Variants in C6 observed in about 807,000 individuals in gnomAD.
C6 encodes the protein complement component C6.
A neutral mutation model predicts 112.9 loss-of-function variants in C6; 101 were observed. The ratio of observed to expected loss-of-function variants is 0.89; its 90% CI spans 0.76 to 1.06. The LOEUF is 1.06. Among genes scored for constraint, C6 ranks in the 50% least tolerant of loss-of-function variants. C6 has a pLI of 0.00. For synonymous variants in C6, 431 were observed against 384.1 expected (o/e 1.12, Z -1.43); for missense variants, 1,202 against 1,104.6 (o/e 1.09, Z -1.25).
chr5:41,253,340 C>G (rs990765407), intron 1 of C6, among the ~76,000 whole-genome samples: 7 of 152,094 alleles, frequency 4.6e-5, no homozygotes, highest in Non-Finnish European at 7.3e-5. Context: ...TGATACTCAC[C>G]CAAAGGCTGG....
intron 5 of C6, chr5:41,186,469 C>A (rs993530369): frequency 6.5e-5 from 29 of 443,230 alleles, no homozygotes; most frequent in Non-Finnish European, 9.0e-5. Context: ...CAACATACAA[C>A]AAAATCTGGA....
intron 17 of C6, 132 bp downstream of exon 17, chr5:41,149,109 A>G (rs1048452830): frequency 8.5e-7 from 1 of 1,183,100 alleles, no homozygotes. Flanking sequence ...TGTTTAAATC[A>G]TTTTATGAAT....
At chr5:41,245,985 T>A (rs1277396233) in intron 1 of C6, among the ~76,000 whole-genome samples, 1 of 152,196 alleles carries the variant, frequency 6.6e-6, no homozygotes, top group Non-Finnish European at 1.5e-5. Flanking sequence ...CTGAAGAAGG[T>A]TTCCTTCCCT....
intron 7 of C6, among the ~76,000 whole-genome samples, chr5:41,177,131 G>A (rs1284145082): frequency 6.6e-6 from 1 of 152,190 alleles, no homozygotes; most frequent in Non-Finnish European, 1.5e-5. Flanking sequence ...TGGAGGTTAT[G>A]CAAGTGAGAT....
chr5:41,215,322 T>C (rs1025254345), upstream of C6, among the ~76,000 whole-genome samples: 3 of 152,180 alleles, frequency 2.0e-5, no homozygotes, highest in African/African-American at 7.2e-5. Context: ...TCTGGTCTGA[T>C]ACATACAACA....
intron 11 of C6, among the ~76,000 whole-genome samples, chr5:41,159,867 C>A (rs930829344): frequency 6.6e-6 from 1 of 152,078 alleles, no homozygotes; most frequent in Non-Finnish European, 1.5e-5. Context: ...TATAAATACG[C>A]ATATAATATA....
chr5:41,188,367 T>C, intron 5 of C6, among the ~76,000 whole-genome samples: 1 of 152,052 alleles, frequency 6.6e-6, no homozygotes, highest in East Asian at 1.9e-4. Flanking sequence ...TGATACACAA[T>C]TTACTTCAAA....
At chr5:41,171,424 T>C (rs1033738566) in intron 9 of C6, among the ~76,000 whole-genome samples, 8 of 152,166 alleles carry the variant, frequency 5.3e-5, no homozygotes, top group Admixed American at 3.9e-4. Flanking sequence ...TACTGGGCTA[T>C]AATGTAAAGG....
chr5:41,163,990 A>C (rs1238506782), intron 9 of C6, among the ~76,000 whole-genome samples: 1 of 152,104 alleles, frequency 6.6e-6, no homozygotes. Flanking sequence ...GGCCCAGATA[A>C]ATATAAAATA....
rs751006040 is a variant in C6 at position 41,154,021 on chromosome 5, A to G, written c.2102-23T>C. On this transcript the variant is annotated intron_variant, in intron 14 of 17. Transcript: ENST00000337836. ...TCCCTGCAAGAGAGCAACATTTCAT[A>G]TGTGTTTAGTGGAGCAGAATAAACA... is the stretch of plus-strand genomic sequence containing the variant. 3.7e-6 allele frequency: 6 copies of G among 1,610,096 alleles called. No homozygotes were observed. The South Asian group carries it at 5.5e-5, about 15-fold the overall frequency.
chr5:41,166,564 A>G (rs1747990767), intron 9 of C6, among the ~76,000 whole-genome samples: 1 of 151,460 alleles, frequency 6.6e-6, no homozygotes, highest in African/African-American at 2.4e-5. Context: ...ACATCTATTA[A>G]ACATTTATAA....
At chr5:41,231,204 T>A (rs930931456) in intron 1 of C6, among the ~76,000 whole-genome samples, 5 of 152,180 alleles carry the variant, frequency 3.3e-5, no homozygotes, top group African/African-American at 4.8e-5. Flanking sequence ...TTGTGTTTAA[T>A]TATTGAAAGA....
At chr5:41,196,923 T>C (rs1750664030) in intron 4 of C6, among the ~76,000 whole-genome samples, 1 of 152,100 alleles carries the variant, frequency 6.6e-6, no homozygotes, top group South Asian at 2.1e-4. Flanking sequence ...ATATCTCCTC[T>C]CCTGCCTTTT....
intron 1 of C6, among the ~76,000 whole-genome samples, chr5:41,204,659 C>CTTTTTTTTT (rs56809256): frequency 2.3e-5 from 3 of 133,330 alleles, no homozygotes; most frequent in South Asian, 2.3e-4. Context: ...AATCAGTAAG[C>CTTTTTTTTT]TTTTTTTTTT....
chr5:41,187,526 C>T lies in C6; in HGVS notation c.588-1318G>A, dbSNP rs73753119. ...TTAAAGCAGAAAATTCGACCAATTACTCAGGCGCTTCTAACCAAGGGGCAC... is the reference window on the plus strand; with the variant it reads ...TTAAAGCAGAAAATTCGACCAATTATTCAGGCGCTTCTAACCAAGGGGCAC... On this transcript the variant is annotated intron_variant, in intron 5 of 17. Transcript: ENST00000337836. Among the ~76,000 whole-genome samples, 524 of 152,256 alleles carry T rather than the reference C, an allele frequency of 3.4e-3. 1 individual carries two copies. Among genetic ancestry groups the T allele is most frequent in the African/African-American group, 0.011 (470 of 41,554 alleles).
intron 9 of C6, among the ~76,000 whole-genome samples, chr5:41,166,717 G>A (rs759842194): frequency 2.6e-5 from 4 of 152,102 alleles, no homozygotes; most frequent in African/African-American, 9.7e-5. Flanking sequence ...CAGTGAGTAC[G>A]TCTAGGAGGG....
chr5:41,238,264 T>C (rs1458097111), intron 1 of C6, among the ~76,000 whole-genome samples: 5 of 142,052 alleles, frequency 3.5e-5, no homozygotes, highest in Non-Finnish European at 7.6e-5. Context: ...AGAGCCCGCA[T>C]CGCCAAGTCA....
chr5:41,147,585 A>C (rs1185993141), intron 17 of C6, among the ~76,000 whole-genome samples: 2 of 152,204 alleles, frequency 1.3e-5, no homozygotes, highest in East Asian at 3.8e-4. Context: ...CAAAGTCAAA[A>C]AAGAGTCAAG....
At chr5:41,224,153 A>T (rs1001651494) in intron 1 of C6, among the ~76,000 whole-genome samples, 2 of 152,150 alleles carry the variant, frequency 1.3e-5, no homozygotes, top group Non-Finnish European at 2.9e-5. Flanking sequence ...CATATCTATT[A>T]CCTCACATAC....
Sources: gnomAD v4.1 joint callset for allele counts (sites outside exome capture counted in the v4.1 genomes callset) on GRCh38, gnomAD v4.1.1 for gene constraint, MANE v1.5 for transcripts, NCBI Gene and HGNC (gene_info 2026-07-23, HGNC 2026-07-21) for gene names.